Variants in PCDHGB6 observed in about 807,000 individuals in gnomAD.
The protein encoded by PCDHGB6 is protocadherin gamma subfamily B, 6.
In PCDHGB6, 51 loss-of-function variants were observed where a neutral mutation model predicts 59.1. That is an observed-to-expected ratio of 0.86 (90% CI 0.69 to 1.09). The LOEUF is 1.09. Among genes scored for constraint, PCDHGB6 ranks in the 50% least tolerant of loss-of-function variants. The pLI is 0.00. For missense variants in PCDHGB6, 1,148 were observed against 1,205.1 expected, an observed-to-expected ratio of 0.95 and a Z score of 0.70; for synonymous variants, 466 against 495.1, an observed-to-expected ratio of 0.94 and a Z score of 0.78.
Position 141,432,812 on chromosome 5 carries a change from G to A in PCDHGB6, c.2418+22192G>A, listed in dbSNP as rs753429933. ...CAGCCTCGAGTCTCCAGCTAACTCT[G>A]AAACCTCAGACCTCACTCTGTACCT... On this transcript the variant is annotated intron_variant, in intron 1 of 3. Coordinates refer to ENST00000520790, the MANE Select transcript of PCDHGB6 (RefSeq NM_018926.3). This position sits in a 1 kb window ranked among gnomAD's most constrained non-coding sequence, Gnocchi z 6.0. 1.2e-6 allele frequency: 2 copies of A among 1,614,176 alleles called. No homozygotes were observed. Among genetic ancestry groups the A allele is most frequent in the Non-Finnish European group, 1.7e-6 (2 of 1,180,014 alleles).
At chr5:141,421,322 T>A (rs774885270) in intron 1 of PCDHGB6, 1 of 1,613,864 alleles carries the variant, frequency 6.2e-7, no homozygotes, top group Non-Finnish European at 8.5e-7. Context: ...GCCAGGCAGA[T>A]CCGATATTCG....
intron 1 of PCDHGB6, chr5:141,428,156 C>A: frequency 6.3e-7 from 1 of 1,579,884 alleles, no homozygotes; most frequent in Non-Finnish European, 8.6e-7. Context: ...CGGGAACCTG[C>A]TGGTTGCTGT....
intron 1 of PCDHGB6, among the ~76,000 whole-genome samples, chr5:141,472,863 G>A (rs2099301197): frequency 6.7e-6 from 1 of 149,994 alleles, no homozygotes. Context: ...GCACATGCCT[G>A]TATTCCCAGC....
rs61612330 is a variant in PCDHGB6, at chr5:141,454,796, A to ATTTTTTTTTTTTTTTTTT, written c.2419-39999_2419-39982dup. Reference sequence around the variant, plus strand: ...AAGGAAATAATCCTCCATGGTTCTAATTTTTTTTTTTTTTTTTTTTTTTTT... The same window carrying ATTTTTTTTTTTTTTTTTT: ...AAGGAAATAATCCTCCATGGTTCTAATTTTTTTTTTTTTTTTTTTTTTTTTTTTTTTTTTTTTTTTTTT... On this transcript the variant is annotated intron_variant, in intron 1 of 3. Coordinates refer to ENST00000520790, the MANE Select transcript of PCDHGB6 (RefSeq NM_018926.3). 9.0e-4 allele frequency among the ~76,000 whole-genome samples: 70 copies of ATTTTTTTTTTTTTTTTTT among 77,458 alleles called. 9 individuals carry two copies. Among genetic ancestry groups the ATTTTTTTTTTTTTTTTTT allele is most frequent in the Non-Finnish European group, 1.1e-3 (48 of 42,814 alleles). The allele number at this position is 77,458 out of a possible 152,430, so 50.8% of individuals were successfully genotyped here. A position where few individuals can be genotyped will look rare whatever the true frequency, so the allele number is the denominator to read the frequency against.
At chr5:141,495,164 C>T (rs1326419591) in intron 2 of PCDHGB6, among the ~76,000 whole-genome samples, 4 of 152,198 alleles carry the variant, frequency 2.6e-5, no homozygotes, top group Admixed American at 1.3e-4. Context: ...AAGCTGGTCT[C>T]TGGGTGAAAG....
At chr5:141,410,699 A>T (rs760193148) in intron 1 of PCDHGB6, 79 bp downstream of exon 1, 1 of 1,478,344 alleles carries the variant, frequency 6.8e-7, no homozygotes, top group East Asian at 2.3e-5. Flanking sequence ...CTTTATTTTC[A>T]TATCTAGAAT....
chr5:141,501,701 G>A (rs747266621), intron 2 of PCDHGB6, among the ~76,000 whole-genome samples: 3 of 151,984 alleles, frequency 2.0e-5, no homozygotes, highest in East Asian at 1.9e-4. Flanking sequence ...GGGTGATTCC[G>A]AGGATAAAAA....
rs2099606506 is a variant in PCDHGB6 at position 141,485,072 on chromosome 5, G to A, written c.2419-9735G>A. ...CCGGCCGAACCGCGCCAGAGCTGGC[G>A]CGGGGAAAGGGAGATAGGTGTCTCC... On this transcript the variant is annotated intron_variant, in intron 1 of 3. Transcript: ENST00000520790. This position sits in a 1 kb window ranked among gnomAD's most constrained non-coding sequence, Gnocchi z 5.7. 2 of 916,892 alleles carry A rather than the reference G, an allele frequency of 2.2e-6. No homozygotes were observed. The highest frequency in any genetic ancestry group is 3.4e-6 in the Non-Finnish European group (2 of 587,886). The allele number at this position is 916,892 out of a possible 1,614,324, so 56.8% of individuals were successfully genotyped here.
At chr5:141,420,747 A>T (rs2096522944) in intron 1 of PCDHGB6, among the ~76,000 whole-genome samples, 1 of 152,220 alleles carries the variant, frequency 6.6e-6, no homozygotes, top group South Asian at 2.1e-4. Flanking sequence ...ATTGGAACCA[A>T]CTACAACCTA....
chr5:141,497,131 A>G (rs1269110126), intron 2 of PCDHGB6, among the ~76,000 whole-genome samples: 3 of 152,122 alleles, frequency 2.0e-5, no homozygotes, highest in Admixed American at 6.6e-5. Flanking sequence ...GGTTGCAGTG[A>G]GCTGAGATCA....
At chr5:141,468,140 C>T (rs910524133) in intron 1 of PCDHGB6, among the ~76,000 whole-genome samples, 3 of 151,942 alleles carry the variant, frequency 2.0e-5, no homozygotes, top group African/African-American at 7.2e-5. Flanking sequence ...GCCTGGCCAA[C>T]ATGGTGAAAC....
Position 141,486,812 on chromosome 5 carries a change from A to G in PCDHGB6, c.2419-7995A>G, listed in dbSNP as rs781747283. 6.2e-7 allele frequency: 1 copy of G among 1,614,226 alleles called. No individual in the cohort carries two copies. The highest frequency in any genetic ancestry group is 8.5e-7 in the Non-Finnish European group (1 of 1,180,046). ...GGATCGGGGCAACCCACCCCTTAGC[A>G]GCACTGTAACAGTTCGTCTATTTGT... On this transcript the variant is annotated intron_variant, in intron 1 of 3. Transcript: ENST00000520790. This position sits in a 1 kb window ranked among gnomAD's most constrained non-coding sequence, Gnocchi z 5.0.
chr5:141,474,170 T>G (rs535586079), intron 1 of PCDHGB6, among the ~76,000 whole-genome samples: 1 of 152,346 alleles, frequency 6.6e-6, no homozygotes, highest in South Asian at 2.1e-4. Flanking sequence ...GCCTTATTAT[T>G]GAGAAAACTA....
intron 1 of PCDHGB6, chr5:141,423,333 C>T (rs761192305): frequency 3.1e-6 from 5 of 1,614,184 alleles, no homozygotes; most frequent in Non-Finnish European, 4.2e-6. Context: ...CCGCAGTCTC[C>T]TGCATCTTCC....
chr5:141,428,108 G>C (rs771684309), intron 1 of PCDHGB6: 6 of 1,608,094 alleles, frequency 3.7e-6, no homozygotes, highest in Admixed American at 1.7e-5. Context: ...ACGTGCTGCA[G>C]GCCATCGAGC....
At chr5:141,501,983 C>T (rs957901405) in intron 2 of PCDHGB6, among the ~76,000 whole-genome samples, 1 of 152,068 alleles carries the variant, frequency 6.6e-6, no homozygotes, top group Non-Finnish European at 1.5e-5. Context: ...CATCTGGTCC[C>T]GTTGTCTCCC....
At chr5:141,437,463 AC>A (rs2097887109) in intron 1 of PCDHGB6, among the ~76,000 whole-genome samples, 1 of 152,184 alleles carries the variant, frequency 6.6e-6, no homozygotes, top group Non-Finnish European at 1.5e-5. Flanking sequence ...ACTATACTAT[AC>A]TTTTATAGCA....
intron 2 of PCDHGB6, among the ~76,000 whole-genome samples, chr5:141,505,122 A>G (rs2099843899): frequency 6.6e-6 from 1 of 152,194 alleles, no homozygotes; most frequent in Non-Finnish European, 1.5e-5. Context: ...AGATCGCGCC[A>G]CTGCACTCCA....
chr5:141,446,623 TGC>T (rs1310809206), intron 1 of PCDHGB6, among the ~76,000 whole-genome samples: 1 of 152,014 alleles, frequency 6.6e-6, no homozygotes, highest in African/African-American at 2.4e-5. Flanking sequence ...ACTACAGGCG[TGC>T]ACCACCACGC....
Sources: allele counts gnomAD v4.1 joint callset (sites outside exome capture counted in the v4.1 genomes callset), GRCh38; gene constraint gnomAD v4.1.1; non-coding constraint Gnocchi (gnomAD v3.1); transcripts MANE v1.5; gene names NCBI Gene and HGNC (gene_info 2026-07-23, HGNC 2026-07-21).